Variants in DPRX observed in about 807,000 individuals in gnomAD.
The protein encoded by DPRX is divergent paired-related homeobox.
DPRX carries 11 observed loss-of-function variants against 8.4 expected under a neutral mutation model. The ratio of observed to expected loss-of-function variants is 1.31; its 90% confidence interval spans 0.82 to 2.17. The LOEUF (loss-of-function observed/expected upper bound fraction) is 2.17, where lower values mean the gene tolerates loss of function less well. DPRX is among the 30% of genes most tolerant of loss of function. The probability of loss-of-function intolerance (pLI) is 0.00; values close to 1 mark genes in which losing one functional copy is unlikely to be tolerated. For missense variants in DPRX, 211 were observed against 236.7 expected, an observed-to-expected ratio of 0.89 and a Z score of 0.71; for synonymous variants, 72 against 87.0, an observed-to-expected ratio of 0.83 and a Z score of 0.96.
chr19:53,636,297 C>T (rs1235275695), intron 2 of DPRX, among the ~76,000 whole-genome samples: 8 of 151,536 alleles, frequency 5.3e-5, no homozygotes, highest in African/African-American at 1.2e-4. Context: ...ACCTGGGAGG[C>T]GGAGGTTGCA....
the DPRX span, among the ~76,000 whole-genome samples, chr19:53,613,530 T>A: frequency 2.7e-5 from 4 of 150,348 alleles, no homozygotes; most frequent in African/African-American, 9.9e-5. Flanking sequence ...TTTTTTTTTT[T>A]GTATTTTTAG....
intron 1 of DPRX, among the ~76,000 whole-genome samples, chr19:53,632,364 G>A (rs531399715): frequency 5.9e-5 from 9 of 152,128 alleles, no homozygotes; most frequent in South Asian, 2.1e-4. Context: ...GCAGTGGCAC[G>A]ATTTCGGCTC....
At chr19:53,619,322 CA>C in the DPRX span, among the ~76,000 whole-genome samples, 2 of 152,048 alleles carry the variant, frequency 1.3e-5, no homozygotes, top group Non-Finnish European at 2.9e-5. Flanking sequence ...GAGCAGATCA[CA>C]AGGTCGGGAG....
the DPRX span, among the ~76,000 whole-genome samples, chr19:53,613,943 G>T: frequency 6.6e-6 from 1 of 151,560 alleles, no homozygotes; most frequent in Non-Finnish European, 1.5e-5. Context: ...TCTCCAGTGG[G>T]TAGTATTTCC....
At chr19:53,633,661 C>T (rs1403442123) in intron 1 of DPRX, among the ~76,000 whole-genome samples, 1 of 152,072 alleles carries the variant, frequency 6.6e-6, no homozygotes, top group Non-Finnish European at 1.5e-5. Flanking sequence ...AGGCGTGCAC[C>T]ATCACGCCCA....
At chr19:53,619,413 G>A in the DPRX span, among the ~76,000 whole-genome samples, 2 of 152,174 alleles carry the variant, frequency 1.3e-5, no homozygotes, top group Admixed American at 6.6e-5. Flanking sequence ...GGTGGCTCAC[G>A]CCTGTAATCC....
the DPRX span, among the ~76,000 whole-genome samples, chr19:53,608,082 G>T: frequency 6.7e-6 from 1 of 149,172 alleles, no homozygotes; most frequent in Non-Finnish European, 1.5e-5. Context: ...TGAGGCAGGA[G>T]AATCGCTTGA....
chr19:53,602,267 G>GGTGTGTGT, the DPRX span: 745 of 277,354 alleles, frequency 2.7e-3, 1 homozygote, highest in East Asian at 8.1e-3. Flanking sequence ...TATGGGTATG[G>GGTGTGTGT]GTGTGTGTGT....
At chr19:53,611,569 T>C in the DPRX span, among the ~76,000 whole-genome samples, 1 of 152,042 alleles carries the variant, frequency 6.6e-6, no homozygotes, top group Admixed American at 6.6e-5. Context: ...ATGATTGCGG[T>C]ACGATTTCAT....
the DPRX span, among the ~76,000 whole-genome samples, chr19:53,620,354 C>T: frequency 1.3e-5 from 2 of 151,836 alleles, no homozygotes; most frequent in Admixed American, 1.3e-4. Flanking sequence ...CAGGTGTGAG[C>T]CACCGTACCC....
At chr19:53,605,617 C>G in the DPRX span, among the ~76,000 whole-genome samples, 1 of 152,094 alleles carries the variant, frequency 6.6e-6, no homozygotes, top group Non-Finnish European at 1.5e-5. Context: ...GCATCAGGCA[C>G]TGCACCCCGC....
chr19:53,603,746 C>CTTTT, the DPRX span, among the ~76,000 whole-genome samples: 5 of 140,394 alleles, frequency 3.6e-5, no homozygotes, highest in African/African-American at 1.3e-4. Context: ...TCTTTTCTTT[C>CTTTT]TTTTTTTTTT....
At chr19:53,620,302 C>T in the DPRX span, among the ~76,000 whole-genome samples, 2 of 151,960 alleles carry the variant, frequency 1.3e-5, no homozygotes, top group Non-Finnish European at 2.9e-5. Flanking sequence ...ATCTCCTGAC[C>T]TCATGATCCG....
the DPRX span, among the ~76,000 whole-genome samples, chr19:53,623,647 CA>C: frequency 1.4e-5 from 2 of 142,292 alleles, no homozygotes; most frequent in African/African-American, 5.3e-5. Context: ...TCAAAAAAAA[CA>C]AAAAGCCATT....
At chr19:53,636,709 C>G (rs140829869) in exon 3 of DPRX, 2 of 1,614,118 alleles carry the variant, frequency 1.2e-6, no homozygotes, top group Non-Finnish European at 1.7e-6. Flanking sequence ...CCACCAGTGT[C>G]GGCCTGAGAA....
At chr19:53,608,934 G>A in the DPRX span, among the ~76,000 whole-genome samples, 565 of 128,778 alleles carry the variant, frequency 4.4e-3, 6 homozygotes, top group Middle Eastern at 0.025. Context: ...CAGCCTGGGC[G>A]GACAGAGTGA....
chr19:53,604,843 C>CAAAA, the DPRX span, among the ~76,000 whole-genome samples: 7 of 94,636 alleles, frequency 7.4e-5, no homozygotes, highest in Admixed American at 1.1e-4. Flanking sequence ...ACTCTGTCTC[C>CAAAA]AAAAAAAAAA....
At chr19:53,636,881 G>A (rs1457340009) in exon 3 of DPRX, 5 of 1,614,162 alleles carry the variant, frequency 3.1e-6, no homozygotes, top group Non-Finnish European at 8.5e-7. Flanking sequence ...CTGCTGCCGA[G>A]ATCCTAATAT....
chr19:53,630,844 G>A (rs1405006746), upstream of DPRX, among the ~76,000 whole-genome samples: 1 of 151,432 alleles, frequency 6.6e-6, no homozygotes, highest in Non-Finnish European at 1.5e-5. Context: ...AGGTGTTGCA[G>A]CTTTTTCTTT....
Sources: gnomAD v4.1 joint callset for allele counts (sites outside exome capture counted in the v4.1 genomes callset) on GRCh38, gnomAD v4.1.1 for gene constraint, MANE v1.5 for transcripts, NCBI Gene and HGNC (gene_info 2026-07-23, HGNC 2026-07-21) for gene names.